RBFOX1: variants seen among roughly 807,000 people sequenced by gnomAD.
The protein encoded by RBFOX1 is RNA binding fox-1 homolog 1.
A neutral mutation model predicts 57.7 loss-of-function variants in RBFOX1; 8 were observed. That is an observed-to-expected ratio of 0.14 (90% CI 0.08 to 0.25). The LOEUF is 0.25. RBFOX1 is among the 10% of genes least tolerant of loss of function. RBFOX1 has a pLI of 1.00. For missense variants in RBFOX1, 611 were observed against 548.5 expected (o/e 1.11, Z -1.14); for synonymous variants, 326 against 222.4 (o/e 1.47, Z -4.15).
At chr16:5,396,408 A>G (rs2066557182) in intron 1 of RBFOX1, among the ~76,000 whole-genome samples, 2 of 152,160 alleles carry the variant, frequency 1.3e-5, no homozygotes, top group Non-Finnish European at 1.5e-5. Flanking sequence ...TGGGAGGCTG[A>G]GGCAGGTGAA....
intron 5 of RBFOX1, among the ~76,000 whole-genome samples, chr16:7,525,253 G>C (rs1329321856): frequency 1.3e-5 from 2 of 152,022 alleles, no homozygotes; most frequent in Non-Finnish European, 2.9e-5. Context: ...ATATCTCAGA[G>C]ATTATTCTGT....
intron 4 of RBFOX1, among the ~76,000 whole-genome samples, chr16:7,495,734 G>A (rs1269791906): frequency 6.6e-6 from 1 of 151,996 alleles, no homozygotes; most frequent in Non-Finnish European, 1.5e-5. Context: ...TTTATTTTAA[G>A]ACTACACATT....
Position 6,029,236 on chromosome 16 carries a change from T to G in RBFOX1, c.-127+9244T>G, listed in dbSNP as rs57570941. Among the ~76,000 whole-genome samples, 608 of 152,364 alleles carry G rather than the reference T, an allele frequency of 4.0e-3. 3 individuals carry two copies. The highest frequency in any genetic ancestry group is 0.014 in the African/African-American group (585 of 41,576). On this transcript the variant is annotated intron_variant, in intron 1 of 15. Transcript: ENST00000550418. ...CATTCATTTTGCTCAGGAAACTTTA[T>G]TGGTTTTGTCTGTGTAAACCTAAAA...
chr16:7,082,623 A>G (rs765796483), intron 4 of RBFOX1, among the ~76,000 whole-genome samples: 5 of 152,166 alleles, frequency 3.3e-5, no homozygotes, highest in Admixed American at 6.5e-5. Flanking sequence ...TGAGTTTATC[A>G]AGTCATTTTT....
chr16:6,282,165 G>A (rs564940529), intron 1 of RBFOX1, among the ~76,000 whole-genome samples: 1 of 152,166 alleles, frequency 6.6e-6, no homozygotes, highest in Admixed American at 6.5e-5. Flanking sequence ...AGTATTGACT[G>A]TTTCTTGGGA....
At chr16:7,222,541 C>T (rs562280066) in intron 4 of RBFOX1, among the ~76,000 whole-genome samples, 7 of 152,262 alleles carry the variant, frequency 4.6e-5, no homozygotes, top group Admixed American at 2.6e-4. Context: ...CCAGAGGAGA[C>T]GGCGAAGCAA....
intron 4 of RBFOX1, among the ~76,000 whole-genome samples, chr16:7,437,288 T>C (rs893161768): frequency 1.5e-4 from 22 of 148,758 alleles, no homozygotes; most frequent in African/African-American, 5.1e-4. Context: ...TTAGTATCCT[T>C]CTTCTCCAAA....
chr16:7,209,980 C>T (rs145081953), intron 4 of RBFOX1, among the ~76,000 whole-genome samples: 7 of 152,300 alleles, frequency 4.6e-5, no homozygotes, highest in African/African-American at 1.7e-4. Flanking sequence ...TTCACCTGTG[C>T]TTATTAAACT....
At position 6,780,412 on chromosome 16, in the gene RBFOX1, A is replaced by T. The variant is rs1158834440; in HGVS notation, c.-16+125762A>T. On this transcript the variant is annotated intron_variant, in intron 3 of 15. Coordinates refer to ENST00000550418, the MANE Select transcript of RBFOX1 (RefSeq NM_018723.4). ...ATTATATATATTTTTATATATATTT[A>T]TATATATTTATATATATTTATAGAT... 8.8e-5 allele frequency among the ~76,000 whole-genome samples: 10 copies of T among 113,268 alleles called. 1 individual carries two copies. Among genetic ancestry groups the T allele is most frequent in the Non-Finnish European group, 1.3e-4 (8 of 60,966 alleles). The allele number at this position is 113,268 out of a possible 152,430, so 74.3% of individuals were successfully genotyped here.
At chr16:6,376,333 T>A (rs74007317) in intron 2 of RBFOX1, among the ~76,000 whole-genome samples, 5,366 of 152,080 alleles carry the variant, frequency 0.035, 312 homozygotes, top group African/African-American at 0.12. Flanking sequence ...CAAGGGCCCC[T>A]GCAAAGTATC....
intron 4 of RBFOX1, among the ~76,000 whole-genome samples, chr16:7,453,166 G>A (rs1298296438): frequency 6.6e-6 from 1 of 151,112 alleles, no homozygotes; most frequent in East Asian, 2.0e-4. Context: ...CATGATACAT[G>A]CTACATTGTT....
At chr16:5,398,502 A>C (rs2066625675) in intron 1 of RBFOX1, among the ~76,000 whole-genome samples, 1 of 151,542 alleles carries the variant, frequency 6.6e-6, no homozygotes, top group Admixed American at 6.6e-5. Flanking sequence ...GTGGGTGTGC[A>C]TGTGAGCAGG....
intron 4 of RBFOX1, among the ~76,000 whole-genome samples, chr16:7,490,824 C>G (rs958615153): frequency 6.6e-6 from 1 of 152,148 alleles, no homozygotes; most frequent in Non-Finnish European, 1.5e-5. Context: ...CAAGTCCCAT[C>G]TTACCCAGAA....
At chr16:7,622,529 A>G (rs2059464117) in intron 10 of RBFOX1, among the ~76,000 whole-genome samples, 1 of 152,218 alleles carries the variant, frequency 6.6e-6, no homozygotes, top group African/African-American at 2.4e-5. Context: ...TCAAGGAACA[A>G]ATTCTTCTTT....
chr16:6,289,413 G>T (rs1457264902), intron 1 of RBFOX1, among the ~76,000 whole-genome samples: 1 of 152,118 alleles, frequency 6.6e-6, no homozygotes, highest in Non-Finnish European at 1.5e-5. Flanking sequence ...AAGTGAGGAA[G>T]TAACTCCTTT....
At position 6,618,042 on chromosome 16, in the gene RBFOX1, T is replaced by C. The variant is rs72762948; in HGVS notation, c.-63-36561T>C. On this transcript the variant is annotated intron_variant, in intron 2 of 15. Coordinates refer to ENST00000550418, the MANE Select transcript of RBFOX1 (RefSeq NM_018723.4). ...ACCTCCTCATATGCATGCAAGACTT[T>C]GCTCAAATGCAGCAATCCTTGTGTT... 4.2e-3 allele frequency among the ~76,000 whole-genome samples: 633 copies of C among 152,300 alleles called. 2 individuals are homozygous for C. Among genetic ancestry groups the C allele is most frequent in the Non-Finnish European group, 7.2e-3 (489 of 68,018 alleles).
chr16:6,831,507 C>T (rs1224083866), intron 3 of RBFOX1, among the ~76,000 whole-genome samples: 5 of 152,138 alleles, frequency 3.3e-5, no homozygotes, highest in Non-Finnish European at 7.3e-5. Flanking sequence ...TAATATATTT[C>T]CCTTTTTGAA....
intron 3 of RBFOX1, among the ~76,000 whole-genome samples, chr16:6,780,247 A>T: frequency 2.4e-5 from 2 of 82,730 alleles, no homozygotes; most frequent in African/African-American, 1.0e-4. Flanking sequence ...ATATTTACAT[A>T]TATATTTATA....
intron 4 of RBFOX1, among the ~76,000 whole-genome samples, chr16:7,219,662 T>A (rs898875718): frequency 6.6e-6 from 1 of 152,204 alleles, no homozygotes. Context: ...GGAGTAAAAC[T>A]GGCTCCTCTG....
Sources: gnomAD v4.1 joint callset for allele counts (sites outside exome capture counted in the v4.1 genomes callset) on GRCh38, gnomAD v4.1.1 for gene constraint, MANE v1.5 for transcripts, NCBI Gene and HGNC (gene_info 2026-07-23, HGNC 2026-07-21) for gene names.